Variants in MIB1 observed in about 807,000 individuals in gnomAD.
MIB1 encodes the protein E3 ubiquitin-protein ligase MIB1.
In MIB1, 278 loss-of-function variants were observed where a neutral mutation model predicts 124.5. That is an observed-to-expected ratio of 2.23 (90% CI 2.02 to 2.47). The LOEUF (loss-of-function observed/expected upper bound fraction) is 2.47. MIB1 is among the 30% of genes most tolerant of loss of function. The pLI, the probability that MIB1 is intolerant of heterozygous loss-of-function variation, is 0.00. For synonymous variants in MIB1, 446 were observed against 429.4 expected, an observed-to-expected ratio of 1.04 and a Z score of -0.48; for missense variants, 957 against 1,254.4, an observed-to-expected ratio of 0.76 and a Z score of 3.58.
At chr18:21,710,519 T>C (rs1355433178) in intron 1 of MIB1, among the ~76,000 whole-genome samples, 1 of 152,138 alleles carries the variant, frequency 6.6e-6, no homozygotes, top group African/African-American at 2.4e-5. Flanking sequence ...GGAGGCCAAG[T>C]TGGGAGGATT....
chr18:21,730,000 C>G (rs1027401578), intron 1 of MIB1, among the ~76,000 whole-genome samples: 1 of 152,184 alleles, frequency 6.6e-6, no homozygotes, highest in Non-Finnish European at 1.5e-5. Flanking sequence ...TATAGCAGCT[C>G]AAATGGACTA....
intron 1 of MIB1, among the ~76,000 whole-genome samples, chr18:21,732,349 T>TACACACAC: frequency 1.8e-5 from 1 of 55,098 alleles, no homozygotes; most frequent in East Asian, 5.3e-4. Context: ...ATATTATATG[T>TACACACAC]ATACACACAC....
intron 11 of MIB1, among the ~76,000 whole-genome samples, chr18:21,819,157 C>T (rs2041857144): frequency 1.3e-5 from 2 of 152,160 alleles, no homozygotes; most frequent in South Asian, 2.1e-4. Context: ...TCTGCCTCAG[C>T]CTCCTGAGTA....
Position 21,864,550 on chromosome 18 carries a change from C to T in MIB1, c.2905C>T (p.Arg969Cys), listed in dbSNP as rs749620047. Residue 969 changes from arginine (R) to cysteine (C), a missense_variant, in exon 21 of 21, where the codon CGT becomes TGT. Physicochemically the swap from Arg to Cys is radical, Grantham distance 180. Transcript: ENST00000261537. Reference protein sequence around the residue: ...EQTMCPVCLDRLKNMIFLCGH... With the variant: ...EQTMCPVCLDCLKNMIFLCGH... ...GACAATGTGCCCTGTGTGTCTAGAT[C>T]GTCTGAAGAATATGATTTTCCTTTG... 3 of 1,612,880 alleles carry T rather than the reference C, an allele frequency of 1.9e-6. No homozygotes were observed. Among genetic ancestry groups the T allele is most frequent in the South Asian group, 1.1e-5 (1 of 91,020 alleles).
chr18:21,727,891 G>A (rs1346457862), intron 1 of MIB1, among the ~76,000 whole-genome samples: 1 of 152,178 alleles, frequency 6.6e-6, no homozygotes, highest in African/African-American at 2.4e-5. Flanking sequence ...ACATGAACTT[G>A]GAAGAGGACC....
intron 1 of MIB1, among the ~76,000 whole-genome samples, chr18:21,723,814 A>G (rs1451680252): frequency 2.0e-5 from 3 of 151,476 alleles, no homozygotes. Flanking sequence ...GTGCCCGGCT[A>G]TAATTGTTTT....
rs2041613808 is a variant in MIB1 at position 21,798,639 on chromosome 18, T to C, written c.1237+411T>C. 1.3e-5 allele frequency among the ~76,000 whole-genome samples: 2 copies of C among 152,118 alleles called. 1 individual carries two copies. The highest frequency in any genetic ancestry group is 4.1e-4 in the South Asian group (2 of 4,824). On this transcript the variant is annotated intron_variant, in intron 8 of 20. Coordinates refer to ENST00000261537, the MANE Select transcript of MIB1 (RefSeq NM_020774.4). ...ATTATTGCTAGCAGATGGCTTTCCTTCCTGTATATTTTTACATATCAGTTA... is the reference window on the plus strand; with the variant it reads ...ATTATTGCTAGCAGATGGCTTTCCTCCCTGTATATTTTTACATATCAGTTA...
intron 12 of MIB1, among the ~76,000 whole-genome samples, chr18:21,824,690 G>GA (rs1434673959): frequency 6.6e-6 from 1 of 152,030 alleles, no homozygotes; most frequent in Non-Finnish European, 1.5e-5. Flanking sequence ...CAGTCTTTTA[G>GA]AGAATGATGT....
intron 7 of MIB1, among the ~76,000 whole-genome samples, chr18:21,793,703 C>T (rs1453274938): frequency 7.2e-6 from 1 of 138,872 alleles, no homozygotes. Flanking sequence ...ATCTCTTGAG[C>T]CCAGGAGGTT....
intron 1 of MIB1, among the ~76,000 whole-genome samples, chr18:21,756,992 G>A (rs967807010): frequency 1.4e-4 from 22 of 152,114 alleles, no homozygotes; most frequent in Non-Finnish European, 5.9e-5. Context: ...TGAAGGAGTT[G>A]TGAACTTTGG....
At chr18:21,852,342 GA>G (rs1248287277) in intron 17 of MIB1, among the ~76,000 whole-genome samples, 3 of 152,200 alleles carry the variant, frequency 2.0e-5, no homozygotes, top group Non-Finnish European at 4.4e-5. Flanking sequence ...TGGTTGTTTG[GA>G]TGATGCTGTA....
intron 6 of MIB1, among the ~76,000 whole-genome samples, chr18:21,790,874 A>C (rs1385399767): frequency 6.6e-6 from 1 of 152,248 alleles, no homozygotes; most frequent in Non-Finnish European, 1.5e-5. Flanking sequence ...TGGTAAGATT[A>C]TGGATGACTC....
chr18:21,831,699 A>T (rs1204031257), intron 12 of MIB1, among the ~76,000 whole-genome samples: 2 of 151,494 alleles, frequency 1.3e-5, no homozygotes, highest in Non-Finnish European at 2.9e-5. Flanking sequence ...GCGGTCTCTC[A>T]TGTTTCCACT....
intron 1 of MIB1, among the ~76,000 whole-genome samples, chr18:21,709,088 G>A (rs1268792808): frequency 5.9e-5 from 9 of 152,042 alleles, no homozygotes; most frequent in Admixed American, 1.3e-4. Flanking sequence ...AGGCCGAGGC[G>A]GGCGGATCAC....
At chr18:21,813,027 T>C (rs1394649958) in intron 10 of MIB1, among the ~76,000 whole-genome samples, 2 of 152,170 alleles carry the variant, frequency 1.3e-5, no homozygotes, top group African/African-American at 4.8e-5. Flanking sequence ...TTTTCCATAA[T>C]TTAAAAATTA....
At chr18:21,734,270 C>T (rs533693348) in intron 1 of MIB1, among the ~76,000 whole-genome samples, 116 of 151,754 alleles carry the variant, frequency 7.6e-4, no homozygotes, top group Admixed American at 2.2e-3. Flanking sequence ...CCACGCCCGG[C>T]TATTTTTTGG....
At chr18:21,847,966 A>G (rs1382907485) in intron 16 of MIB1, among the ~76,000 whole-genome samples, 1 of 152,086 alleles carries the variant, frequency 6.6e-6, no homozygotes, top group Non-Finnish European at 1.5e-5. Flanking sequence ...TGCCCTTTGT[A>G]CCTGGTTCTT....
intron 12 of MIB1, among the ~76,000 whole-genome samples, chr18:21,833,601 A>C (rs2042002682): frequency 6.6e-6 from 1 of 152,204 alleles, no homozygotes; most frequent in Non-Finnish European, 1.5e-5. Context: ...TCCACAGTTT[A>C]GCTAGTAGGG....
At position 21,867,866 on chromosome 18, in the gene MIB1, A is replaced by G. The variant is rs2042331024; in HGVS notation, c.*3200A>G. On this transcript the variant is annotated 3_prime_UTR_variant, in exon 21 of 21. Coordinates refer to ENST00000261537, the MANE Select transcript of MIB1 (RefSeq NM_020774.4). ...TTTGGACTAAGAATTAGTTAAATTCATGAACTAAGAGAATTAGAGATGGGG... is the reference window on the plus strand; with the variant it reads ...TTTGGACTAAGAATTAGTTAAATTCGTGAACTAAGAGAATTAGAGATGGGG... The G allele has an allele frequency of 1.3e-5, 2 of 152,490 alleles. No individual in the cohort carries two copies. Among genetic ancestry groups the G allele is most frequent in the African/African-American group, 4.8e-5 (2 of 41,436 alleles). The allele number at this position is 152,490 out of a possible 1,614,324, so 9.4% of individuals were successfully genotyped here.
Sources: allele counts gnomAD v4.1 joint callset (sites outside exome capture counted in the v4.1 genomes callset), GRCh38; gene constraint gnomAD v4.1.1; transcripts MANE v1.5; gene names NCBI Gene and HGNC (gene_info 2026-07-23, HGNC 2026-07-21).